The following ASB18 variants were observed in gnomAD, a reference collection of about 807,000 sequenced individuals.
ASB18 encodes the protein ankyrin repeat and SOCS box protein 18.
Under a neutral mutation model 33.4 loss-of-function variants are expected in ASB18, and 33 were observed. That is an observed-to-expected ratio of 0.99 (90% CI 0.75 to 1.32). The LOEUF (loss-of-function observed/expected upper bound fraction) is 1.32. Ranked by LOEUF, ASB18 falls within the 40% of genes most tolerant of loss-of-function variation. The pLI is 0.00. For missense variants in ASB18, 694 were observed against 655.5 expected (o/e 1.06, Z -0.64); for synonymous variants, 295 against 307.6 (o/e 0.96, Z 0.43).
rs2060488945 is a variant in ASB18 at position 236,216,628 on chromosome 2, C to T, written c.597-1762G>A. On this transcript the variant is annotated intron_variant, in intron 3 of 5. Transcript: ENST00000409749. This position sits in a 1 kb window ranked among gnomAD's most constrained non-coding sequence, Gnocchi z 6.1. ...CTTCCTCCCTCCACTCCCAGTGTCACTGTCCTTTGTTGAGGCCACATCGTT... is the reference window on the plus strand; with the variant it reads ...CTTCCTCCCTCCACTCCCAGTGTCATTGTCCTTTGTTGAGGCCACATCGTT... Among the ~76,000 whole-genome samples, 5 of 152,244 alleles carry T rather than the reference C, an allele frequency of 3.3e-5. No homozygotes were observed. In the South Asian group the frequency reaches 1.0e-3, roughly 31 times the overall value.
intron 1 of ASB18, among the ~76,000 whole-genome samples, chr2:236,258,494 G>T (rs1381534017): frequency 6.6e-6 from 1 of 152,130 alleles, no homozygotes; most frequent in African/African-American, 2.4e-5. Flanking sequence ...ATCATCAATG[G>T]GTACGCTCTT....
In ASB18 at chr2:236,259,996, G is replaced by C. The variant is rs905692432; in HGVS notation, c.205+4145C>G. Among the ~76,000 whole-genome samples the C allele has an allele frequency of 2.0e-5, 3 of 152,148 alleles. No individual in the cohort carries two copies. Among genetic ancestry groups the C allele is most frequent in the Non-Finnish European group, 4.4e-5 (3 of 68,026 alleles). On this transcript the variant is annotated intron_variant, in intron 1 of 5. Coordinates refer to ENST00000409749, the MANE Select transcript of ASB18 (RefSeq NM_212556.4). This position sits in a 1 kb window ranked among gnomAD's most constrained non-coding sequence, Gnocchi z 4.4. The stretch of plus-strand genomic sequence containing the variant: ...TGCTTTTTTTTGGTGATGTTGACAT[G>C]GATGCATCAAAATAAATTCTGTTTC...
chr2:236,195,033 G>A lies in ASB18; in HGVS notation c.1240C>T (p.Leu414Phe), dbSNP rs771982529. The A allele has an allele frequency of 1.2e-6, 2 of 1,612,882 alleles. No homozygotes were observed. The highest frequency in any genetic ancestry group is 2.2e-5 in the South Asian group (2 of 90,876). The change falls in exon 6 of 6, where the codon CTC becomes TTC. Residue 414 changes from leucine to phenylalanine, a missense_variant. By Grantham distance (22) the Leu-to-Phe change is conservative. Transcript: ENST00000409749. This position sits in a 1 kb window ranked among gnomAD's most constrained non-coding sequence, Gnocchi z 5.5. The stretch of plus-strand genomic sequence containing the variant: ...CGTGGGGTGAGGGCCAAGGCAAAGA[G>A]GGACTGGTAGAACGGCTTGTGCATC... ...FQMHKPFYQS[L>F]FALALTPRCL...
chr2:236,241,010 C>T lies in ASB18; in HGVS notation c.328+270G>A, dbSNP rs1016952544. Among the ~76,000 whole-genome samples the T allele has an allele frequency of 6.6e-6, 1 of 152,318 alleles. No individual in the cohort carries two copies. The highest frequency in any genetic ancestry group is 1.9e-4 in the East Asian group (1 of 5,174). ...AGGCACGGGCAGCTCCACACCTAAA[C>T]CAATGCTCCTTTGTAAAGACAAGAG... On this transcript the variant is annotated intron_variant, in intron 2 of 5. Transcript: ENST00000409749. This position sits in a 1 kb window ranked among gnomAD's most constrained non-coding sequence, Gnocchi z 4.2.
rs576239740 is a variant in ASB18 at position 236,262,895 on chromosome 2, G to A, written c.205+1246C>T. Among the ~76,000 whole-genome samples, 22 of 152,104 alleles carry A rather than the reference G, an allele frequency of 1.4e-4. No individual in the cohort carries two copies. In the South Asian group the frequency reaches 1.5e-3, roughly 10 times the overall value. The stretch of plus-strand genomic sequence containing the variant: ...TAGACCCAAACCAAGGGGGGGGGGC[G>A]GACCCCCTCGGAAGTTCCAATCTCA... On this transcript the variant is annotated intron_variant, in intron 1 of 5. Transcript: ENST00000409749. This position sits in a 1 kb window ranked among gnomAD's most constrained non-coding sequence, Gnocchi z 5.2.
chr2:236,224,139 A>G (rs2106273286), intron 3 of ASB18, among the ~76,000 whole-genome samples: 1 of 149,006 alleles, frequency 6.7e-6, no homozygotes, highest in East Asian at 2.0e-4. Context: ...ACTATGTATG[A>G]AAGTTCTAGT....
At position 236,238,053 on chromosome 2, in the gene ASB18, T is replaced by G; in HGVS notation, c.329-97A>C. The G allele has an allele frequency of 9.2e-7, 1 of 1,082,418 alleles. No individual in the cohort carries two copies. The highest frequency in any genetic ancestry group is 1.2e-6 in the Non-Finnish European group (1 of 813,246). 67.1% of individuals were successfully genotyped at this position (1,082,418 alleles called of 1,614,324 possible). A position where few individuals can be genotyped will look rare whatever the true frequency, so the allele number is the denominator to read the frequency against. On this transcript the variant is annotated intron_variant, in intron 2 of 5. Coordinates refer to ENST00000409749, the MANE Select transcript of ASB18 (RefSeq NM_212556.4). The surrounding 1 kb of genome is among the most constrained non-coding windows in gnomAD (Gnocchi z 5.2). Reference sequence around the variant, plus strand: ...GGCGGAAAGAAAGTGAAGCCGTCTCTTAAAGGTAGGTACCAGGTAGGCATG... The same window carrying G: ...GGCGGAAAGAAAGTGAAGCCGTCTCGTAAAGGTAGGTACCAGGTAGGCATG...
At position 236,216,776 on chromosome 2, in the gene ASB18, C is replaced by G. The variant is rs1288334078; in HGVS notation, c.597-1910G>C. The stretch of plus-strand genomic sequence containing the variant: ...CCTGCCAACAACCCCACCACTCCCC[C>G]TGCCTGCTGGGCGAAGCCCACACTG... On this transcript the variant is annotated intron_variant, in intron 3 of 5. Coordinates refer to ENST00000409749, the MANE Select transcript of ASB18 (RefSeq NM_212556.4). This position sits in a 1 kb window ranked among gnomAD's most constrained non-coding sequence, Gnocchi z 6.1. Among the ~76,000 whole-genome samples, 1 of 152,262 alleles carries G rather than the reference C, an allele frequency of 6.6e-6. No homozygotes were observed. Among genetic ancestry groups the G allele is most frequent in the African/African-American group, 2.4e-5 (1 of 41,472 alleles).
chr2:236,260,660 G>A lies in ASB18; in HGVS notation c.205+3481C>T, dbSNP rs968029808. 2.0e-5 allele frequency among the ~76,000 whole-genome samples: 3 copies of A among 152,188 alleles called. No homozygotes were observed. Among genetic ancestry groups the A allele is most frequent in the African/African-American group, 4.8e-5 (2 of 41,436 alleles). On this transcript the variant is annotated intron_variant, in intron 1 of 5. Coordinates refer to ENST00000409749, the MANE Select transcript of ASB18 (RefSeq NM_212556.4). This position sits in a 1 kb window ranked among gnomAD's most constrained non-coding sequence, Gnocchi z 5.1. ...GCATGGAGAAGGAGGGAACCTAAAC[G>A]ATGAACCAAGCCAGCAGTGGTTCCC... is the stretch of plus-strand genomic sequence containing the variant.
Position 236,193,944 on chromosome 2 carries a change from G to A in ASB18, c.*928C>T, listed in dbSNP as rs972568200. Among the ~76,000 whole-genome samples, 8 of 152,124 alleles carry A rather than the reference G, an allele frequency of 5.3e-5. No homozygotes were observed. The highest frequency in any genetic ancestry group is 1.9e-4 in the African/African-American group (8 of 41,408). On this transcript the variant is annotated 3_prime_UTR_variant, in exon 6 of 6. Transcript: ENST00000409749. The surrounding 1 kb of genome is among the most constrained non-coding windows in gnomAD (Gnocchi z 5.0). ...TGTTGTGTGTGGGTGGGTGGGTGTG[G>A]GGGTGTGTGAGCACCCTGCGATGGA...
intron 2 of ASB18, among the ~76,000 whole-genome samples, chr2:236,240,643 G>A (rs999771400): frequency 6.6e-6 from 1 of 152,196 alleles, no homozygotes; most frequent in Non-Finnish European, 1.5e-5. Context: ...GTGGGCAGGG[G>A]GAGGAGGGGA....
chr2:236,238,956 A>T lies in ASB18; in HGVS notation c.329-1000T>A, dbSNP rs893538006. 2.0e-5 allele frequency among the ~76,000 whole-genome samples: 3 copies of T among 152,054 alleles called. No individual in the cohort carries two copies. Among genetic ancestry groups the T allele is most frequent in the African/African-American group, 7.2e-5 (3 of 41,392 alleles). The stretch of plus-strand genomic sequence containing the variant: ...AATTACCTACCCGCATGTGGTGCCG[A>T]GTTCCAGCCGCCCTGAGTCCCCAAG... On this transcript the variant is annotated intron_variant, in intron 2 of 5. Coordinates refer to ENST00000409749, the MANE Select transcript of ASB18 (RefSeq NM_212556.4). This position sits in a 1 kb window ranked among gnomAD's most constrained non-coding sequence, Gnocchi z 5.2.
In ASB18 at chr2:236,251,871, C is replaced by G. The variant is rs924846948; in HGVS notation, c.206-10469G>C. ...AGAGTTCAGTGACACTAATCCTCTC[C>G]CAGTTTGCAGGTGGGAGGGTAAATT... On this transcript the variant is annotated intron_variant, in intron 1 of 5. Coordinates refer to ENST00000409749, the MANE Select transcript of ASB18 (RefSeq NM_212556.4). This position sits in a 1 kb window ranked among gnomAD's most constrained non-coding sequence, Gnocchi z 5.3. 6.6e-6 allele frequency among the ~76,000 whole-genome samples: 1 copy of G among 152,066 alleles called. No homozygotes were observed. The highest frequency in any genetic ancestry group is 2.4e-5 in the African/African-American group (1 of 41,380).
At chr2:236,261,254 C>G (rs530250195) in intron 1 of ASB18, among the ~76,000 whole-genome samples, 1 of 152,280 alleles carries the variant, frequency 6.6e-6, no homozygotes, top group South Asian at 2.1e-4. Context: ...TAGGCAAGAA[C>G]CTGGGTCCCT....
At chr2:236,224,795 A>G (rs944216295) in intron 3 of ASB18, among the ~76,000 whole-genome samples, 2 of 152,116 alleles carry the variant, frequency 1.3e-5, no homozygotes, top group African/African-American at 4.8e-5. Context: ...ATATTAAATC[A>G]TCTATTGGGT....
At position 236,226,235 on chromosome 2, in the gene ASB18, T is replaced by C. The variant is rs1049338060; in HGVS notation, c.597-11369A>G. On this transcript the variant is annotated intron_variant, in intron 3 of 5. Coordinates refer to ENST00000409749, the MANE Select transcript of ASB18 (RefSeq NM_212556.4). This position sits in a 1 kb window ranked among gnomAD's most constrained non-coding sequence, Gnocchi z 4.8. ...GTGTTCAATGGGACCTGCCAGCATA[T>C]TCCATTATCATCATTGATATTGAAG... 6.6e-6 allele frequency among the ~76,000 whole-genome samples: 1 copy of C among 152,220 alleles called. No individual in the cohort carries two copies. Among genetic ancestry groups the C allele is most frequent in the Non-Finnish European group, 1.5e-5 (1 of 68,034 alleles).
Position 236,262,831 on chromosome 2 carries a change from C to T in ASB18, c.205+1310G>A, listed in dbSNP as rs1300384814. Among the ~76,000 whole-genome samples the T allele has an allele frequency of 4.6e-5, 7 of 152,186 alleles. No homozygotes were observed. The highest frequency in any genetic ancestry group is 2.1e-4 in the South Asian group (1 of 4,810). ...AGCAAGAGAAGGTTCCTCCCTAAAG[C>T]GACTTGCTTAAGTCCCCACTGAAAG... is the stretch of plus-strand genomic sequence containing the variant. On this transcript the variant is annotated intron_variant, in intron 1 of 5. Transcript: ENST00000409749. This position sits in a 1 kb window ranked among gnomAD's most constrained non-coding sequence, Gnocchi z 5.2.
Position 236,204,905 on chromosome 2 carries a change from G to C in ASB18, c.1102-8520C>G, listed in dbSNP as rs995811094. 7.2e-5 allele frequency among the ~76,000 whole-genome samples: 11 copies of C among 152,166 alleles called. No individual in the cohort carries two copies. Among genetic ancestry groups the C allele is most frequent in the African/African-American group, 2.7e-4 (11 of 41,442 alleles). The stretch of plus-strand genomic sequence containing the variant: ...CTTGCAGTCTCTTGGGCTAGAATCA[G>C]AGTCGTCCATTGCTCCTGTTTCTCC... On this transcript the variant is annotated intron_variant, in intron 4 of 5. Coordinates refer to ENST00000409749, the MANE Select transcript of ASB18 (RefSeq NM_212556.4). This position sits in a 1 kb window ranked among gnomAD's most constrained non-coding sequence, Gnocchi z 5.1.
At position 236,208,391 on chromosome 2, in the gene ASB18, TAAG is replaced by T. The variant is rs567612331; in HGVS notation, c.1101+5968_1101+5970del. ...TGTGTTGGGAAAAAAATCACGCCAT[TAAG>T]AAGGACTCACGCTGGACCCCTCGGG... On this transcript the variant is annotated intron_variant, in intron 4 of 5. Transcript: ENST00000409749. The surrounding 1 kb of genome is among the most constrained non-coding windows in gnomAD (Gnocchi z 7.7). Among the ~76,000 whole-genome samples the T allele has an allele frequency of 4.7e-4, 71 of 152,276 alleles. No homozygotes were observed. The highest frequency in any genetic ancestry group is 1.3e-3 in the African/African-American group (55 of 41,560).
Sources: gnomAD v4.1 joint callset for allele counts (sites outside exome capture counted in the v4.1 genomes callset) on GRCh38, gnomAD v4.1.1 for gene constraint, Gnocchi (gnomAD v3.1) non-coding constraint, MANE v1.5 for transcripts, NCBI Gene and HGNC (gene_info 2026-07-23, HGNC 2026-07-21) for gene names.